Variants in ATP6V0D1 observed in about 807,000 individuals in gnomAD.
The protein encoded by ATP6V0D1 is V-type proton ATPase subunit d 1.
ATP6V0D1 carries 13 observed loss-of-function variants against 39.0 expected under a neutral mutation model. The ratio of observed to expected loss-of-function variants is 0.33; its 90% CI spans 0.22 to 0.53. ATP6V0D1 has a LOEUF of 0.53. Ranked by LOEUF, ATP6V0D1 falls within the 20% of genes least tolerant of loss-of-function variation. ATP6V0D1 has a pLI of 0.94. For missense variants in ATP6V0D1, 272 were observed against 470.9 expected (o/e 0.58, Z 3.91); for synonymous variants, 191 against 191.2 (o/e 1.00, Z 0.01).
At position 67,446,786 on chromosome 16, in the gene ATP6V0D1, C is replaced by T. The variant is rs549785397; in HGVS notation, c.303-2080G>A. On this transcript the variant is annotated intron_variant, in intron 2 of 7. Transcript: ENST00000290949. ...TCCCCTGCCCCCAAGCAGAAGGATGCTTTCTTATGCTCTCCCTCCCTTTCG... is the reference window on the plus strand; with the variant it reads ...TCCCCTGCCCCCAAGCAGAAGGATGTTTTCTTATGCTCTCCCTCCCTTTCG... Among the ~76,000 whole-genome samples, 4 of 152,278 alleles carry T rather than the reference C, an allele frequency of 2.6e-5. No individual in the cohort carries two copies. The South Asian group carries it at 6.2e-4, about 24-fold the overall frequency.
At chr16:67,469,242 A>T (rs2041353812) in intron 1 of ATP6V0D1, among the ~76,000 whole-genome samples, 1 of 152,236 alleles carries the variant, frequency 6.6e-6, no homozygotes, top group Non-Finnish European at 1.5e-5. Flanking sequence ...TGGGAGGCGG[A>T]GGTTGCAGTG....
intron 1 of ATP6V0D1, among the ~76,000 whole-genome samples, chr16:67,466,989 C>T (rs1007136373): frequency 6.6e-6 from 1 of 152,212 alleles, no homozygotes; most frequent in Non-Finnish European, 1.5e-5. Flanking sequence ...GCCCTCTACA[C>T]TCTTGCTCTC....
At position 67,444,042 on chromosome 16, in the gene ATP6V0D1, G is replaced by A. The variant is rs554314120; in HGVS notation, c.481+486C>T. 1.3e-4 allele frequency among the ~76,000 whole-genome samples: 20 copies of A among 152,320 alleles called. No homozygotes were observed. Among genetic ancestry groups the A allele is most frequent in the Admixed American group, 5.9e-4 (9 of 15,306 alleles). ...ATTCCCCTTCCCTGGCTTCTGATACGGACCTTGCATCCTGCTGGATGCTGT... is the reference window on the plus strand; with the variant it reads ...ATTCCCCTTCCCTGGCTTCTGATACAGACCTTGCATCCTGCTGGATGCTGT... On this transcript the variant is annotated intron_variant, in intron 3 of 7. Coordinates refer to ENST00000290949, the MANE Select transcript of ATP6V0D1 (RefSeq NM_004691.5). This position sits in a 1 kb window ranked among gnomAD's most constrained non-coding sequence, Gnocchi z 4.8.
At chr16:67,445,647 C>T (rs1173626550) in intron 2 of ATP6V0D1, among the ~76,000 whole-genome samples, 1 of 152,172 alleles carries the variant, frequency 6.6e-6, no homozygotes, top group East Asian at 1.9e-4. Context: ...CCGAGGCTCC[C>T]ATCACTCTGC....
At position 67,447,106 on chromosome 16, in the gene ATP6V0D1, C is replaced by A. The variant is rs1039405407; in HGVS notation, c.303-2400G>T. 6.6e-6 allele frequency among the ~76,000 whole-genome samples: 1 copy of A among 152,230 alleles called. No individual in the cohort carries two copies. The highest frequency in any genetic ancestry group is 1.5e-5 in the Non-Finnish European group (1 of 68,046). On this transcript the variant is annotated intron_variant, in intron 2 of 7. Coordinates refer to ENST00000290949, the MANE Select transcript of ATP6V0D1 (RefSeq NM_004691.5). The surrounding 1 kb of genome is among the most constrained non-coding windows in gnomAD (Gnocchi z 4.1). ...TCAACGTCCCCCTCCTTGCGCCCCC[C>A]ACTCAGGGCATCTGTTTATGTGGGG...
chr16:67,478,816 C>T (rs2041438796), intron 1 of ATP6V0D1, among the ~76,000 whole-genome samples: 1 of 152,008 alleles, frequency 6.6e-6, no homozygotes, highest in Admixed American at 6.6e-5. Context: ...AGAGGGTCCC[C>T]TGGGAAGATG....
chr16:67,478,875 C>T (rs1166887278), intron 1 of ATP6V0D1, among the ~76,000 whole-genome samples: 4 of 152,104 alleles, frequency 2.6e-5, no homozygotes, highest in African/African-American at 9.7e-5. Flanking sequence ...CGGACAGCAG[C>T]AGGAGTGAGG....
intron 1 of ATP6V0D1, among the ~76,000 whole-genome samples, chr16:67,476,253 T>C (rs115046947): frequency 0.015 from 2,296 of 148,130 alleles, 56 homozygotes; most frequent in African/African-American, 0.054. Flanking sequence ...TCTCAGATAG[T>C]AAGGAAGCTT....
intron 3 of ATP6V0D1, 165 bp from the exon 4 acceptor site, chr16:67,443,343 C>A: frequency 3.2e-6 from 2 of 626,276 alleles, no homozygotes; most frequent in East Asian, 5.5e-5. Flanking sequence ...AGAAGCAATG[C>A]TCTGGGCCAT....
intron 1 of ATP6V0D1, among the ~76,000 whole-genome samples, chr16:67,474,910 C>T (rs1489278498): frequency 1.3e-5 from 2 of 152,198 alleles, no homozygotes; most frequent in South Asian, 2.1e-4. Context: ...ATGAGGACAT[C>T]GACCTTGACT....
intron 1 of ATP6V0D1, among the ~76,000 whole-genome samples, chr16:67,460,907 C>A (rs917936748): frequency 6.6e-6 from 1 of 152,178 alleles, no homozygotes; most frequent in African/African-American, 2.4e-5. Flanking sequence ...GCCACAAGGA[C>A]CTGGGTTCAA....
chr16:67,449,651 C>G (rs1269973777), intron 2 of ATP6V0D1, among the ~76,000 whole-genome samples: 4 of 152,278 alleles, frequency 2.6e-5, no homozygotes, highest in Non-Finnish European at 4.4e-5. Context: ...AGTGGCTTCT[C>G]TATCCCCACC....
chr16:67,462,659 C>T (rs1223819425), intron 1 of ATP6V0D1, among the ~76,000 whole-genome samples: 2 of 152,044 alleles, frequency 1.3e-5, no homozygotes, highest in African/African-American at 4.8e-5. Context: ...GACCTAGTCT[C>T]CACAAAAAAT....
At chr16:67,442,356 T>G (rs1478044993) in intron 4 of ATP6V0D1, among the ~76,000 whole-genome samples, 2 of 152,154 alleles carry the variant, frequency 1.3e-5, no homozygotes, top group African/African-American at 4.8e-5. Flanking sequence ...TGTTCCTGAC[T>G]GCAGCCCATC....
intron 2 of ATP6V0D1, among the ~76,000 whole-genome samples, chr16:67,451,072 G>C (rs367556375): frequency 2.6e-5 from 4 of 152,188 alleles, no homozygotes; most frequent in African/African-American, 4.8e-5. Context: ...TGAGTAGGTA[G>C]AGCCAGAGGC....
At chr16:67,440,954 C>T (rs1028153585) in intron 4 of ATP6V0D1, 18 of 152,412 alleles carry the variant, frequency 1.2e-4, no homozygotes, top group Admixed American at 1.2e-3. Flanking sequence ...TGTCCCCAGC[C>T]ACCTCCTTCC....
chr16:67,471,692 G>T (rs1273176882), intron 1 of ATP6V0D1, among the ~76,000 whole-genome samples: 3 of 151,062 alleles, frequency 2.0e-5, no homozygotes, highest in Non-Finnish European at 4.4e-5. Flanking sequence ...TTTTTTTTGA[G>T]ACGGGGTCTC....
In ATP6V0D1 at chr16:67,481,005, G is replaced by C. The variant is rs1173383003; in HGVS notation, c.82C>G (p.Leu28Val). ...AGGTTGAGGTAGTCGGCCTGGCTGA[G>C]CACCCCGGCCTTCAGGCCGCGCACC... ...GLVRGLKAGVLSQADYLNLVQ... is the reference protein window; with the variant it reads ...GLVRGLKAGVVSQADYLNLVQ... Residue 28 changes from leucine to valine, a missense_variant, in exon 1 of 8, where the codon CTC becomes GTC. Leu to Val is a conservative substitution (Grantham distance 32, BLOSUM62 1). This residue lies in a region of ATP6V0D1 where 81 missense variants were observed against 96.0 expected (regional missense o/e 0.84). Transcript: ENST00000290949. 6.2e-7 allele frequency: 1 copy of C among 1,614,046 alleles called. No individual in the cohort carries two copies. Among genetic ancestry groups the C allele is most frequent in the African/African-American group, 1.3e-5 (1 of 74,946 alleles).
At chr16:67,473,851 G>C (rs926781228) in intron 1 of ATP6V0D1, among the ~76,000 whole-genome samples, 5 of 151,986 alleles carry the variant, frequency 3.3e-5, no homozygotes, top group Non-Finnish European at 7.4e-5. Flanking sequence ...TAGAGATGGG[G>C]GTCTCACCAT....
Sources: allele counts gnomAD v4.1 joint callset (sites outside exome capture counted in the v4.1 genomes callset), GRCh38; gene constraint gnomAD v4.1.1; regional missense constraint gnomAD v4.1.1; non-coding constraint Gnocchi (gnomAD v3.1); transcripts MANE v1.5; gene names NCBI Gene and HGNC (gene_info 2026-07-23, HGNC 2026-07-21).